The following PCLO variants were observed in gnomAD, a reference collection of about 807,000 sequenced individuals.
The protein encoded by PCLO is protein piccolo.
In PCLO, 82 loss-of-function variants were observed where a neutral mutation model predicts 427.5. That is an observed-to-expected ratio of 0.19 (90% CI 0.16 to 0.23). The LOEUF is 0.23. PCLO is among the 10% of genes least tolerant of loss of function. The probability of loss-of-function intolerance (pLI) is 1.00; values close to 1 mark genes in which losing one functional copy is unlikely to be tolerated. For synonymous variants in PCLO, 2,357 were observed against 2,155.4 expected, an observed-to-expected ratio of 1.09 and a Z score of -2.59; for missense variants, 6,239 against 6,115.9, an observed-to-expected ratio of 1.02 and a Z score of -0.67.
chr7:82,794,611 C>T (rs1002293040), intron 22 of PCLO, among the ~76,000 whole-genome samples: 2 of 150,708 alleles, frequency 1.3e-5, no homozygotes, highest in African/African-American at 2.4e-5. Flanking sequence ...CAGCTGGAAC[C>T]ACAGGCATGC....
chr7:83,019,802 A>G (rs1428717482), intron 3 of PCLO, among the ~76,000 whole-genome samples: 2 of 152,104 alleles, frequency 1.3e-5, no homozygotes, highest in Non-Finnish European at 2.9e-5. Context: ...ATAAATTATG[A>G]CTAGAGAATC....
intron 3 of PCLO, among the ~76,000 whole-genome samples, chr7:83,039,963 C>T (rs887466484): frequency 2.0e-5 from 3 of 151,816 alleles, no homozygotes; most frequent in African/African-American, 7.3e-5. Context: ...TCCTTTTTTG[C>T]ATTGTTCATT....
At chr7:83,127,911 A>C (rs1473650138) in intron 3 of PCLO, among the ~76,000 whole-genome samples, 2 of 152,144 alleles carry the variant, frequency 1.3e-5, no homozygotes, top group African/African-American at 4.8e-5. Context: ...AGGCATCAGC[A>C]GTGTATCTCT....
At chr7:83,009,739 A>G (rs144490731) in intron 3 of PCLO, among the ~76,000 whole-genome samples, 151 of 152,032 alleles carry the variant, frequency 9.9e-4, no homozygotes, top group Middle Eastern at 3.4e-3. Context: ...AAAAATTTAT[A>G]TAAGAGTTTC....
Position 82,794,450 on chromosome 7 carries a change from A to ATTTTTTTCTGTTTTTTTTT in PCLO, c.15007+7067_15007+7068insAAAAAAAAACAGAAAAAAA, listed in dbSNP as rs1791172788. Among the ~76,000 whole-genome samples the ATTTTTTTCTGTTTTTTTTT allele has an allele frequency of 3.2e-5, 2 of 62,030 alleles. 1 individual carries two copies. Among genetic ancestry groups the ATTTTTTTCTGTTTTTTTTT allele is most frequent in the African/African-American group, 8.1e-5 (2 of 24,592 alleles). 40.7% of individuals were successfully genotyped at this position (62,030 alleles called of 152,430 possible). A position where few individuals can be genotyped will look rare whatever the true frequency, so the allele number is the denominator to read the frequency against. ...TTGTTACTGACATGCTAGTTCATAA[A>ATTTTTTTCTGTTTTTTTTT]TTTTTTTTCTTTTTTTTTTTTTTTT... is the stretch of plus-strand genomic sequence containing the variant. On this transcript the variant is annotated intron_variant, in intron 22 of 24. Coordinates refer to ENST00000333891, the MANE Select transcript of PCLO (RefSeq NM_033026.6).
intron 8 of PCLO, among the ~76,000 whole-genome samples, chr7:82,903,257 C>T (rs1157406716): frequency 6.6e-6 from 1 of 151,886 alleles, no homozygotes; most frequent in Non-Finnish European, 1.5e-5. Context: ...TGGCATTGTA[C>T]TTCTGCTGAG....
intron 3 of PCLO, among the ~76,000 whole-genome samples, chr7:83,065,778 T>C (rs1789655711): frequency 1.3e-5 from 2 of 151,950 alleles, no homozygotes. Flanking sequence ...CCCAGCTAAA[T>C]GAACAAATAC....
intron 2 of PCLO, among the ~76,000 whole-genome samples, chr7:83,153,713 A>C (rs1792195785): frequency 6.6e-6 from 1 of 152,122 alleles, no homozygotes; most frequent in South Asian, 2.1e-4. Flanking sequence ...ATTCTCTTAG[A>C]GCCTAAACCT....
At position 82,758,580 on chromosome 7, in the gene PCLO, G is replaced by A; in HGVS notation, c.15424C>T (p.His5142Tyr). ...CCCTGAGAAGACATGTTTCTTCAAT[G>A]CGTTTGAGTAGGACTGACCAAAAGT... ...HKLLVSPTQT[H>Y] Residue 5142 changes from histidine to tyrosine, a missense_variant, in exon 25 of 25, where the codon CAT becomes TAT. Transcript: ENST00000333891. The A allele has an allele frequency of 6.2e-7, 1 of 1,608,502 alleles. No homozygotes were observed. The highest frequency in any genetic ancestry group is 8.5e-7 in the Non-Finnish European group (1 of 1,177,464).
At chr7:82,848,591 A>G (rs554088175) in intron 10 of PCLO, among the ~76,000 whole-genome samples, 2 of 152,236 alleles carry the variant, frequency 1.3e-5, no homozygotes, top group Non-Finnish European at 2.9e-5. Flanking sequence ...GATTATAGGC[A>G]TAAGCCACTG....
chr7:82,975,955 G>C (rs572640950), intron 3 of PCLO, among the ~76,000 whole-genome samples: 3 of 152,292 alleles, frequency 2.0e-5, no homozygotes, highest in Admixed American at 2.0e-4. Flanking sequence ...ATGCGGAACT[G>C]TGAGTCAATT....
chr7:82,760,009 T>C (rs566674290), intron 24 of PCLO, among the ~76,000 whole-genome samples: 2 of 151,996 alleles, frequency 1.3e-5, no homozygotes, highest in Admixed American at 6.6e-5. Flanking sequence ...ATGAAAGATG[T>C]GGAGTATTGT....
rs56409753 is a variant in PCLO at position 83,097,521 on chromosome 7, C to CAAA, written c.3300+36726_3300+36728dup. Among the ~76,000 whole-genome samples, 80 of 145,000 alleles carry CAAA rather than the reference C, an allele frequency of 5.5e-4. No homozygotes were observed. The East Asian group carries it at 5.6e-3, about 10-fold the overall frequency. Reference sequence around the variant, plus strand: ...TGGGTGACAGAGCAAGACCCAGTCTCAAAAATATATATATATATATAATAT... The same window carrying CAAA: ...TGGGTGACAGAGCAAGACCCAGTCTCAAAAAAAATATATATATATATATAATAT... On this transcript the variant is annotated intron_variant, in intron 3 of 24. Transcript: ENST00000333891.
At position 82,805,826 on chromosome 7, in the gene PCLO, T is replaced by C. The variant is rs1490427427; in HGVS notation, c.14795A>G (p.Lys4932Arg). Residue 4932 changes from lysine (K) to arginine (R), a missense_variant, in exon 21 of 25, where the codon AAG becomes AGG. By Grantham distance (26) the Lys-to-Arg change is conservative. Transcript: ENST00000333891. ...AVQQLRIQPTKPPNHRPAESS... is the reference protein window; with the variant it reads ...AVQQLRIQPTRPPNHRPAESS... ...TTCTGCAGGCCGGTGATTGGGAGGC[T>C]TTGCTGCATGGTGTGGGAAGATTCA... 1 of 1,599,758 alleles carries C rather than the reference T, an allele frequency of 6.3e-7. No individual in the cohort carries two copies.
At chr7:83,150,625 T>G (rs1792105889) in intron 2 of PCLO, among the ~76,000 whole-genome samples, 1 of 151,356 alleles carries the variant, frequency 6.6e-6, no homozygotes, top group African/African-American at 2.4e-5. Context: ...CCTTCCTTCC[T>G]TCCTTCCTTC....
At chr7:82,888,046 G>T (rs1363553440) in intron 9 of PCLO, among the ~76,000 whole-genome samples, 1 of 151,636 alleles carries the variant, frequency 6.6e-6, no homozygotes, top group East Asian at 1.9e-4. Context: ...CTCCAGCCTG[G>T]GTGACAGAGT....
chr7:83,156,032 A>T lies in PCLO; in HGVS notation c.609T>A (p.Pro203=). The T allele has an allele frequency of 6.2e-7, 1 of 1,612,876 alleles. No homozygotes were observed. The highest frequency in any genetic ancestry group is 8.5e-7 in the Non-Finnish European group (1 of 1,179,660). The change falls in exon 2 of 25, where the codon CCT becomes CCA. Residue 203 remains proline (P), a synonymous_variant. Coordinates refer to ENST00000333891, the MANE Select transcript of PCLO (RefSeq NM_033026.6). The stretch of plus-strand genomic sequence containing the variant: ...GTAAAGGAGGTTTTATGATTCCTTC[A>T]GGTTTTCCTTGCTCCTTCTGAACCA... ...QKVVQKEQGK[P]EGIIKPPLQQ...
At chr7:82,972,011 T>C (rs1003044034) in intron 3 of PCLO, among the ~76,000 whole-genome samples, 3 of 151,778 alleles carry the variant, frequency 2.0e-5, no homozygotes, top group African/African-American at 7.2e-5. Flanking sequence ...CTCAGAGGCC[T>C]CCAAATTATG....
chr7:82,816,798 A>T (rs1027291733), intron 20 of PCLO, among the ~76,000 whole-genome samples: 1 of 152,118 alleles, frequency 6.6e-6, no homozygotes, highest in Admixed American at 6.6e-5. Context: ...GGACCAGACC[A>T]AAGTATGCAG....
Sources: gnomAD v4.1 joint callset for allele counts (sites outside exome capture counted in the v4.1 genomes callset) on GRCh38, gnomAD v4.1.1 for gene constraint, MANE v1.5 for transcripts, NCBI Gene and HGNC (gene_info 2026-07-23, HGNC 2026-07-21) for gene names.